Variants in LPP observed in about 807,000 individuals in gnomAD.
The protein encoded by LPP is LIM domain containing preferred translocation partner in lipoma.
LPP carries 38 observed loss-of-function variants against 60.4 expected under a neutral mutation model. The ratio of observed to expected loss-of-function variants is 0.63; its 90% CI spans 0.49 to 0.83. The LOEUF (loss-of-function observed/expected upper bound fraction) is 0.83, where lower values mean the gene tolerates loss of function less well. Among genes scored for constraint, LPP ranks in the 40% least tolerant of loss-of-function variants. The probability of loss-of-function intolerance (pLI) is 0.00; values close to 1 mark genes in which losing one functional copy is unlikely to be tolerated. For synonymous variants in LPP, 328 were observed against 290.8 expected, an observed-to-expected ratio of 1.13 and a Z score of -1.30; for missense variants, 902 against 783.6, an observed-to-expected ratio of 1.15 and a Z score of -1.80.
intron 8 of LPP, among the ~76,000 whole-genome samples, chr3:188,740,544 G>C (rs1331665871): frequency 6.6e-6 from 1 of 151,904 alleles, no homozygotes; most frequent in African/African-American, 2.4e-5. Flanking sequence ...TCTTTTATAA[G>C]AAGTGCTTTA....
chr3:188,866,142 C>A, intron 9 of LPP, 58 bp from the exon 10 acceptor site: 1 of 1,324,636 alleles, frequency 7.5e-7, no homozygotes, highest in Non-Finnish European at 9.9e-7. Context: ...AGATGCCTGT[C>A]ATGCAGTATG....
At chr3:188,404,978 C>T (rs890018062) in intron 3 of LPP, among the ~76,000 whole-genome samples, 8 of 152,174 alleles carry the variant, frequency 5.3e-5, no homozygotes, top group African/African-American at 1.9e-4. Flanking sequence ...CATTTCCTCT[C>T]TTCAAATATT....
intron 1 of LPP, among the ~76,000 whole-genome samples, chr3:188,194,515 T>C (rs1011862698): frequency 1.3e-5 from 2 of 152,244 alleles, no homozygotes; most frequent in Admixed American, 6.5e-5. Context: ...AGGCAAGCTC[T>C]ATCCAGTTCT....
At chr3:188,747,756 T>A (rs1319125698) in intron 8 of LPP, among the ~76,000 whole-genome samples, 1 of 152,204 alleles carries the variant, frequency 6.6e-6, no homozygotes, top group Non-Finnish European at 1.5e-5. Flanking sequence ...TCCCTAGACG[T>A]CACTTCAGCG....
intron 9 of LPP, among the ~76,000 whole-genome samples, chr3:188,802,808 A>C (rs1747703714): frequency 6.6e-6 from 1 of 152,098 alleles, no homozygotes; most frequent in Non-Finnish European, 1.5e-5. Context: ...AAGCTTTAAA[A>C]TATATATTGC....
intron 2 of LPP, among the ~76,000 whole-genome samples, chr3:188,317,432 TTATGGCCTTGG>T (rs1278556946): frequency 1.3e-5 from 2 of 152,108 alleles, no homozygotes; most frequent in Non-Finnish European, 2.9e-5. Flanking sequence ...AAAATTTTCG[TTATGGCCTTGG>T]TAAAGGTGAT....
Position 188,795,379 on chromosome 3 carries a change from C to T in LPP, c.1410+35097C>T, listed in dbSNP as rs371232302. 2.6e-5 allele frequency among the ~76,000 whole-genome samples: 4 copies of T among 152,128 alleles called. No homozygotes were observed. The South Asian group carries it at 6.2e-4, about 24-fold the overall frequency. ...CCCCATGTTTAGCCAGTGCATTCCA[C>T]GTGGGATTCAGAGACTCTGTCTTAT... is the stretch of plus-strand genomic sequence containing the variant. On this transcript the variant is annotated intron_variant, in intron 9 of 11. Coordinates refer to ENST00000617246, the MANE Select transcript of LPP (RefSeq NM_001375462.1).
chr3:188,683,629 T>C (rs769034365), intron 7 of LPP, among the ~76,000 whole-genome samples: 5 of 152,200 alleles, frequency 3.3e-5, no homozygotes, highest in African/African-American at 4.8e-5. Context: ...ATTTCCTAAA[T>C]TAACAAAAAG....
At chr3:188,742,324 C>G (rs896461620) in intron 8 of LPP, among the ~76,000 whole-genome samples, 1 of 151,836 alleles carries the variant, frequency 6.6e-6, no homozygotes, top group Admixed American at 6.6e-5. Context: ...CTTTTTTTTA[C>G]ACAAAGGCTT....
intron 9 of LPP, among the ~76,000 whole-genome samples, chr3:188,856,842 G>T (rs1346373825): frequency 6.6e-6 from 1 of 152,158 alleles, no homozygotes; most frequent in Non-Finnish European, 1.5e-5. Context: ...TATCTGCTCT[G>T]AGCTCTTAGC....
chr3:188,497,084 G>A (rs555892187), intron 5 of LPP, among the ~76,000 whole-genome samples: 1 of 151,306 alleles, frequency 6.6e-6, no homozygotes, highest in Non-Finnish European at 1.5e-5. Context: ...AAGTTTTGTG[G>A]TTTTTTTTGA....
chr3:188,417,458 G>C (rs764461509), intron 4 of LPP, among the ~76,000 whole-genome samples: 1 of 152,038 alleles, frequency 6.6e-6, no homozygotes, highest in Non-Finnish European at 1.5e-5. Context: ...TGCAAAAGCA[G>C]AGAATGGCCC....
chr3:188,235,519 T>C (rs972171615), intron 2 of LPP, among the ~76,000 whole-genome samples: 1 of 152,158 alleles, frequency 6.6e-6, no homozygotes, highest in African/African-American at 2.4e-5. Context: ...TTTTTAGACA[T>C]GTTTTTGTGT....
intron 6 of LPP, among the ~76,000 whole-genome samples, chr3:188,595,837 T>A (rs1370410438): frequency 6.6e-6 from 1 of 152,170 alleles, no homozygotes; most frequent in Non-Finnish European, 1.5e-5. Flanking sequence ...CGCAATCCTA[T>A]TTTTTAAATA....
chr3:188,797,891 G>A (rs1055079315), intron 9 of LPP, among the ~76,000 whole-genome samples: 3 of 152,136 alleles, frequency 2.0e-5, no homozygotes, highest in Non-Finnish European at 2.9e-5. Flanking sequence ...AATGCTTTGA[G>A]GTTGAATTAA....
At chr3:188,713,996 A>G (rs139196798) in intron 8 of LPP, among the ~76,000 whole-genome samples, 2 of 152,196 alleles carry the variant, frequency 1.3e-5, no homozygotes, top group African/African-American at 4.8e-5. Context: ...ATATTTACCT[A>G]GAGCTCCATA....
At chr3:188,648,007 A>G (rs1445460654) in intron 7 of LPP, among the ~76,000 whole-genome samples, 3 of 151,964 alleles carry the variant, frequency 2.0e-5, no homozygotes, top group East Asian at 3.9e-4. Flanking sequence ...GACCTTTTTC[A>G]CTCTGCTTGT....
chr3:188,157,821 T>C (rs953759203), intron 1 of LPP, among the ~76,000 whole-genome samples: 20 of 151,286 alleles, frequency 1.3e-4, no homozygotes, highest in African/African-American at 4.9e-4. Flanking sequence ...GAGCTGAACC[T>C]CTAGGAATGA....
intron 9 of LPP, among the ~76,000 whole-genome samples, chr3:188,851,902 C>A (rs1210942817): frequency 1.3e-5 from 2 of 152,164 alleles, no homozygotes; most frequent in African/African-American, 4.8e-5. Context: ...GTGGCTCATG[C>A]CTTTAATCCC....
Sources: gnomAD v4.1 joint callset for allele counts (sites outside exome capture counted in the v4.1 genomes callset) on GRCh38, gnomAD v4.1.1 for gene constraint, MANE v1.5 for transcripts, NCBI Gene and HGNC (gene_info 2026-07-23, HGNC 2026-07-21) for gene names.